UNC79: variants seen among roughly 807,000 people sequenced by gnomAD.
The protein encoded by UNC79 is unc-79 subunit of NALCN channel complex, also known as protein unc-79 homolog.
In UNC79, 37 loss-of-function variants were observed where a neutral mutation model predicts 283.1. The ratio of observed to expected loss-of-function variants is 0.13; its 90% CI spans 0.10 to 0.17. The LOEUF (loss-of-function observed/expected upper bound fraction) is 0.17, where lower values mean the gene tolerates loss of function less well. UNC79 is among the 10% of genes least tolerant of loss of function. The probability of loss-of-function intolerance (pLI) is 1.00; values close to 1 mark genes in which losing one functional copy is unlikely to be tolerated. For missense variants in UNC79, 2,272 were observed against 3,211.1 expected (o/e 0.71, Z 7.07); for synonymous variants, 1,107 against 1,200.2 (o/e 0.92, Z 1.61).
At chr14:93,523,408 GATGGGATAGGAA>G (rs2060413524) in intron 7 of UNC79, among the ~76,000 whole-genome samples, 2 of 152,106 alleles carry the variant, frequency 1.3e-5, no homozygotes, top group South Asian at 4.2e-4. Context: ...GTTTGTTGGG[GATGGGATAGGAA>G]ATGGAATGGT....
chr14:93,690,326 A>C lies in UNC79; in HGVS notation c.7272+23A>C. 1 of 1,605,212 alleles carries C rather than the reference A, an allele frequency of 6.2e-7. No homozygotes were observed. ...AAGGTAAGTGATTTCTGCAAGATTA[A>C]GACCGTATGCATCGCAATTGCTAAT... On this transcript the variant is annotated intron_variant, in intron 45 of 48. Coordinates refer to ENST00000555664, the Ensembl canonical transcript of UNC79. This position sits in a 1 kb window ranked among gnomAD's most constrained non-coding sequence, Gnocchi z 4.3.
chr14:93,621,993 A>T lies in UNC79; in HGVS notation c.4760A>T (p.Glu1587Val), dbSNP rs1434034970. The change falls in exon 30 of 49, where the codon GAG becomes GTG. Residue 1587 changes from glutamate (E) to valine (V), a missense_variant. Glu to Val is a moderately radical substitution (Grantham distance 121, BLOSUM62 -2). This residue lies in a region of UNC79 where 580 missense variants were observed against 632.2 expected (regional missense o/e 0.92). Transcript: ENST00000555664. This position sits in a 1 kb window ranked among gnomAD's most constrained non-coding sequence, Gnocchi z 4.8. ...CCAGAGGTTAGGTTAAACTGTATGG[A>T]GACTTTCGAGGTGAAAGTTGACTCG... is the stretch of plus-strand genomic sequence containing the variant. 3 of 1,613,932 alleles carry T rather than the reference A, an allele frequency of 1.9e-6. No individual in the cohort carries two copies. The highest frequency in any genetic ancestry group is 2.5e-6 in the Non-Finnish European group (3 of 1,180,014).
chr14:93,707,064 GCT>G (rs2075924324), downstream of UNC79: 1 of 762,106 alleles, frequency 1.3e-6, no homozygotes, highest in African/African-American at 1.8e-5. Context: ...CGAAAATGAA[GCT>G]TTCTTGCTAC....
chr14:93,348,836 ATG>A (rs2053922940), intron 1 of UNC79, among the ~76,000 whole-genome samples: 1 of 152,190 alleles, frequency 6.6e-6, no homozygotes, highest in African/African-American at 2.4e-5. Context: ...TCTTGAAGTG[ATG>A]TTGTGGAAAT....
At chr14:93,342,786 A>G (rs2053741168) in intron 1 of UNC79, among the ~76,000 whole-genome samples, 1 of 152,244 alleles carries the variant, frequency 6.6e-6, no homozygotes, top group African/African-American at 2.4e-5. Flanking sequence ...TTCTTCTGCC[A>G]GATACCCTAA....
intron 1 of UNC79, among the ~76,000 whole-genome samples, chr14:93,388,786 C>G (rs2054828027): frequency 1.3e-5 from 2 of 152,142 alleles, no homozygotes; most frequent in African/African-American, 4.8e-5. Context: ...TATTAAACTT[C>G]TTTCTGAGGA....
At chr14:93,405,414 G>A (rs1198979329) in intron 1 of UNC79, among the ~76,000 whole-genome samples, 1 of 151,864 alleles carries the variant, frequency 6.6e-6, no homozygotes, top group Non-Finnish European at 1.5e-5. Flanking sequence ...AAGGAGAAAT[G>A]AATAAAAACC....
At chr14:93,495,784 A>C (rs1324826286) in intron 5 of UNC79, among the ~76,000 whole-genome samples, 1 of 152,252 alleles carries the variant, frequency 6.6e-6, no homozygotes, top group Non-Finnish European at 1.5e-5. Flanking sequence ...GAAGGTATCA[A>C]AAGGCATCTA....
chr14:93,511,498 A>G (rs921129213), intron 7 of UNC79, among the ~76,000 whole-genome samples: 1 of 151,810 alleles, frequency 6.6e-6, no homozygotes, highest in African/African-American at 2.4e-5. Context: ...ACCAGGCTGG[A>G]GTGTTGTGGT....
At chr14:93,354,806 G>A (rs983219450) in intron 1 of UNC79, among the ~76,000 whole-genome samples, 9 of 151,990 alleles carry the variant, frequency 5.9e-5, no homozygotes, top group Non-Finnish European at 1.2e-4. Context: ...CCAGCCCTAA[G>A]CATTTTGAAT....
rs1217867041 is a variant in UNC79 at position 93,600,788 on chromosome 14, C to T, written c.3574+18C>T. 1.2e-6 allele frequency: 2 copies of T among 1,609,192 alleles called. No homozygotes were observed. Among genetic ancestry groups the T allele is most frequent in the Non-Finnish European group, 1.7e-6 (2 of 1,176,300 alleles). On this transcript the variant is annotated intron_variant, in intron 25 of 48. Coordinates refer to ENST00000555664, the Ensembl canonical transcript of UNC79. The stretch of plus-strand genomic sequence containing the variant: ...TCCTACAAGTAAGTAAAATGAAGAA[C>T]TTGCTGTAAACCGTTGCAGTTCCCA...
intron 10 of UNC79, among the ~76,000 whole-genome samples, chr14:93,532,190 A>T (rs2060851511): frequency 6.6e-6 from 1 of 151,878 alleles, no homozygotes; most frequent in Non-Finnish European, 1.5e-5. Flanking sequence ...TAGACCTGGC[A>T]TGGTGGCTTA....
intron 1 of UNC79, among the ~76,000 whole-genome samples, chr14:93,344,988 A>G (rs973620215): frequency 6.6e-6 from 1 of 152,188 alleles, no homozygotes; most frequent in Non-Finnish European, 1.5e-5. Context: ...GCTTGAGGCC[A>G]GGAGTTCAAG....
At chr14:93,561,795 T>C (rs987893396) in intron 14 of UNC79, among the ~76,000 whole-genome samples, 3 of 152,118 alleles carry the variant, frequency 2.0e-5, no homozygotes, top group Admixed American at 1.3e-4. Context: ...CCAGGAGATA[T>C]CAGCTGCGAT....
chr14:93,397,776 T>TTG (rs397754996), intron 1 of UNC79, among the ~76,000 whole-genome samples: 23 of 150,588 alleles, frequency 1.5e-4, no homozygotes, highest in Non-Finnish European at 3.1e-4. Context: ...TTTTTTTTTT[T>TTG]GGCCAGGTAT....
exon 18 of UNC79, chr14:93,578,010 G>A: frequency 6.2e-7 from 1 of 1,614,238 alleles, no homozygotes; most frequent in Non-Finnish European, 8.5e-7. Context: ...TTGTGAAGAT[G>A]ATGAAATGAA....
chr14:93,571,980 T>G, exon 15 of UNC79: 1 of 1,614,192 alleles, frequency 6.2e-7, no homozygotes. Context: ...TCCCCTATAA[T>G]GTGATCAATC....
chr14:93,464,925 C>T (rs2057106314), intron 1 of UNC79, among the ~76,000 whole-genome samples: 1 of 152,150 alleles, frequency 6.6e-6, no homozygotes. Context: ...GTACAAATTA[C>T]TATTTGTCAT....
intron 24 of UNC79, 83 bp downstream of exon 24, chr14:93,597,623 T>A: frequency 7.0e-7 from 1 of 1,420,196 alleles, no homozygotes; most frequent in Non-Finnish European, 9.4e-7. Flanking sequence ...CACGTCCTAG[T>A]CTGTTTGACC....
Sources: allele counts gnomAD v4.1 joint callset (sites outside exome capture counted in the v4.1 genomes callset), GRCh38; gene constraint gnomAD v4.1.1; regional missense constraint gnomAD v4.1.1; non-coding constraint Gnocchi (gnomAD v3.1); transcripts MANE v1.5; gene names NCBI Gene and HGNC (gene_info 2026-07-23, HGNC 2026-07-21).